The following RPAP2 variants were observed in gnomAD, a reference collection of about 807,000 sequenced individuals.
The protein encoded by RPAP2 is putative RNA polymerase II subunit B1 CTD phosphatase RPAP2.
Under a neutral mutation model 73.1 loss-of-function variants are expected in RPAP2, and 52 were observed. The observed-to-expected ratio is 0.71, with a 90% CI of 0.57 to 0.90. The LOEUF is 0.90. Among genes scored for constraint, RPAP2 ranks in the 40% least tolerant of loss-of-function variants. The pLI is 0.00. For synonymous variants in RPAP2, 225 were observed against 242.1 expected (o/e 0.93, Z 0.65); for missense variants, 598 against 701.8 (o/e 0.85, Z 1.67).
At chr1:92,310,604 A>G (rs1571031230) in intron 6 of RPAP2, among the ~76,000 whole-genome samples, 1 of 152,292 alleles carries the variant, frequency 6.6e-6, no homozygotes, top group East Asian at 1.9e-4. Flanking sequence ...TAAAATAATA[A>G]TAAATTTTTA....
chr1:92,345,587 A>G (rs1188118594), intron 10 of RPAP2, among the ~76,000 whole-genome samples: 1 of 152,006 alleles, frequency 6.6e-6, no homozygotes, highest in Non-Finnish European at 1.5e-5. Context: ...TTGTTCCTAC[A>G]TGCTTATCTT....
In RPAP2 at chr1:92,401,631, T is replaced by G. The variant is rs571436778; in HGVS notation, c.*14620T>G. The G allele has an allele frequency of 6.6e-6, 1 of 152,234 alleles. No homozygotes were observed. The highest frequency in any genetic ancestry group is 1.5e-5 in the Non-Finnish European group (1 of 68,052). 9.4% of individuals were successfully genotyped at this position (152,234 alleles called of 1,614,324 possible). Reference sequence around the variant, plus strand: ...AATTTTAGAGGGAAAGTACTCAGTCTTTCGCCATTAAGTACAATGTCAGCT... The same window carrying G: ...AATTTTAGAGGGAAAGTACTCAGTCGTTCGCCATTAAGTACAATGTCAGCT... On this transcript the variant is annotated 3_prime_UTR_variant, in exon 13 of 13. Transcript: ENST00000610020.
At chr1:92,320,212 G>A (rs1652167090) in intron 6 of RPAP2, among the ~76,000 whole-genome samples, 1 of 152,188 alleles carries the variant, frequency 6.6e-6, no homozygotes, top group South Asian at 2.1e-4. Flanking sequence ...TATAGTTTGG[G>A]TAAGAGAGAG....
intron 11 of RPAP2, among the ~76,000 whole-genome samples, chr1:92,372,403 C>T (rs1041245531): frequency 2.6e-5 from 4 of 152,132 alleles, no homozygotes; most frequent in Non-Finnish European, 5.9e-5. Flanking sequence ...CTTAGCCAGT[C>T]GTAGGGCTTC....
At position 92,392,666 on chromosome 1, in the gene RPAP2, T is replaced by C. The variant is rs1241002302; in HGVS notation, c.*5655T>C. The C allele has an allele frequency of 6.6e-6, 1 of 152,232 alleles. No homozygotes were observed. The highest frequency in any genetic ancestry group is 2.4e-5 in the African/African-American group (1 of 41,448). The allele number at this position is 152,232 out of a possible 1,614,324, so 9.4% of individuals were successfully genotyped here. ...GTCTCATCCCAAAATCTCCTTAAGC[T>C]GATAAGCAACTTCAGCAAAGTCTCA... is the stretch of plus-strand genomic sequence containing the variant. On this transcript the variant is annotated 3_prime_UTR_variant, in exon 13 of 13. Coordinates refer to ENST00000610020, the MANE Select transcript of RPAP2 (RefSeq NM_024813.3).
intron 11 of RPAP2, among the ~76,000 whole-genome samples, chr1:92,371,321 T>A (rs58208984): frequency 0.32 from 13,320 of 41,408 alleles, 797 homozygotes; most frequent in Non-Finnish European, 0.37. Flanking sequence ...AAAAAAAAAA[T>A]ATATATATAT....
chr1:92,307,010 T>C (rs879459401), intron 5 of RPAP2, among the ~76,000 whole-genome samples, 178 bp from the exon 6 acceptor site: 13 of 152,074 alleles, frequency 8.5e-5, no homozygotes, highest in Non-Finnish European at 1.8e-4. Context: ...GGTGATGCAG[T>C]TGGGAAGGGG....
At chr1:92,308,547 AC>A (rs1651383840) in intron 6 of RPAP2, among the ~76,000 whole-genome samples, 1 of 151,946 alleles carries the variant, frequency 6.6e-6, no homozygotes, top group South Asian at 2.1e-4. Context: ...CTTAAATTTA[AC>A]CCTTTGTGCC....
chr1:92,386,090 C>T (rs981329773), intron 12 of RPAP2, among the ~76,000 whole-genome samples: 1 of 152,192 alleles, frequency 6.6e-6, no homozygotes, highest in Non-Finnish European at 1.5e-5. Context: ...TGGCTTCCAT[C>T]GGAGTGAGCC....
At chr1:92,340,680 A>C (rs1653545091) in intron 10 of RPAP2, among the ~76,000 whole-genome samples, 1 of 152,196 alleles carries the variant, frequency 6.6e-6, no homozygotes, top group African/African-American at 2.4e-5. Context: ...AGGTAGCCAG[A>C]GTTAAGAGCC....
intron 11 of RPAP2, among the ~76,000 whole-genome samples, chr1:92,376,733 C>T (rs918437029): frequency 4.6e-5 from 7 of 152,162 alleles, no homozygotes; most frequent in Non-Finnish European, 8.8e-5. Flanking sequence ...GGGATCAGTA[C>T]GTATGAGTCA....
intron 1 of RPAP2, 25 bp from the exon 2 acceptor site, chr1:92,300,169 G>T: frequency 6.4e-7 from 1 of 1,559,850 alleles, no homozygotes; most frequent in Non-Finnish European, 8.8e-7. Flanking sequence ...TCATTATGTA[G>T]CACATGACTG....
chr1:92,340,975 A>G (rs534253328), intron 10 of RPAP2, among the ~76,000 whole-genome samples: 1 of 152,288 alleles, frequency 6.6e-6, no homozygotes, highest in East Asian at 1.9e-4. Flanking sequence ...TTCAATCTGT[A>G]TGAATTTCAA....
intron 1 of RPAP2, among the ~76,000 whole-genome samples, chr1:92,299,507 A>T (rs1241935368): frequency 1.3e-5 from 2 of 151,898 alleles, no homozygotes; most frequent in African/African-American, 4.8e-5. Context: ...TCCTTTCCAG[A>T]TTGCTTGGGT....
At chr1:92,350,083 A>T (rs1654121831) in intron 11 of RPAP2, among the ~76,000 whole-genome samples, 1 of 152,186 alleles carries the variant, frequency 6.6e-6, no homozygotes. Context: ...ACCATGACCC[A>T]TTCCCACTTC....
In RPAP2 at chr1:92,392,068, G is replaced by A. The variant is rs1460619195; in HGVS notation, c.*5057G>A. The A allele has an allele frequency of 6.6e-6, 1 of 152,174 alleles. No individual in the cohort carries two copies. The highest frequency in any genetic ancestry group is 2.4e-5 in the African/African-American group (1 of 41,410). The allele number at this position is 152,174 out of a possible 1,614,324, so 9.4% of individuals were successfully genotyped here. A position where few individuals can be genotyped will look rare whatever the true frequency, so the allele number is the denominator to read the frequency against. The stretch of plus-strand genomic sequence containing the variant: ...ATCATCCTGATACCAAAGCCTGGCA[G>A]AGACACAACAAAAAAAGAGAATTTT... On this transcript the variant is annotated 3_prime_UTR_variant, in exon 13 of 13. Coordinates refer to ENST00000610020, the MANE Select transcript of RPAP2 (RefSeq NM_024813.3).
chr1:92,371,385 A>G (rs1655148016), intron 11 of RPAP2, among the ~76,000 whole-genome samples: 1 of 150,222 alleles, frequency 6.7e-6, no homozygotes, highest in African/African-American at 2.4e-5. Context: ...GTGGGTGGGT[A>G]GGTATCTAGG....
At chr1:92,326,372 G>T (rs1448880845) in intron 8 of RPAP2, among the ~76,000 whole-genome samples, 1 of 152,190 alleles carries the variant, frequency 6.6e-6, no homozygotes, top group African/African-American at 2.4e-5. Flanking sequence ...TGGCAGGGGG[G>T]TGAAATGGAT....
chr1:92,366,494 G>A (rs928054868), intron 11 of RPAP2, among the ~76,000 whole-genome samples: 1 of 152,186 alleles, frequency 6.6e-6, no homozygotes, highest in Non-Finnish European at 1.5e-5. Context: ...TCAACAGGGT[G>A]ACAGGTTCGT....
Sources: allele counts gnomAD v4.1 joint callset (sites outside exome capture counted in the v4.1 genomes callset), GRCh38; gene constraint gnomAD v4.1.1; transcripts MANE v1.5; gene names NCBI Gene and HGNC (gene_info 2026-07-23, HGNC 2026-07-21).